TRA2A: variants seen among roughly 807,000 people sequenced by gnomAD.
TRA2A encodes the protein transformer-2 protein homolog alpha.
TRA2A carries 31 observed loss-of-function variants against 45.7 expected under a neutral mutation model. The observed-to-expected ratio is 0.68, with a 90% CI of 0.51 to 0.92. The LOEUF (loss-of-function observed/expected upper bound fraction) is 0.92, where lower values mean the gene tolerates loss of function less well. Among genes scored for constraint, TRA2A ranks in the 40% least tolerant of loss-of-function variants. TRA2A has a pLI of 0.00. For missense variants in TRA2A, 304 were observed against 367.5 expected (o/e 0.83, Z 1.41); for synonymous variants, 132 against 126.2 (o/e 1.05, Z -0.31).
intron 5 of TRA2A, chr7:23,507,208 C>G (rs1490809153): frequency 1.5e-5 from 8 of 518,548 alleles, no homozygotes; most frequent in Non-Finnish European, 2.4e-5. Flanking sequence ...TCAAGTGATT[C>G]CTGTGCCTCA....
chr7:23,531,651 G>T (rs758751450), intron 1 of TRA2A, 138 bp downstream of exon 1: 13 of 866,936 alleles, frequency 1.5e-5, no homozygotes, highest in Non-Finnish European at 2.2e-5. Context: ...GCCATCTTGG[G>T]ATGGGAGGAA....
In TRA2A at chr7:23,531,944, C is replaced by G. The variant is rs981622389; in HGVS notation, c.-120G>C. The stretch of plus-strand genomic sequence containing the variant: ...GAAAGAGTCGGCAACCACAGCCGCT[C>G]CACTCCACTCCCACTCGGTCGCAGG... On this transcript the variant is annotated 5_prime_UTR_variant, in exon 1 of 8. Coordinates refer to ENST00000297071, the MANE Select transcript of TRA2A (RefSeq NM_013293.5). 5 of 1,049,124 alleles carry G rather than the reference C, an allele frequency of 4.8e-6. No individual in the cohort carries two copies. The highest frequency in any genetic ancestry group is 1.6e-5 in the African/African-American group (1 of 63,310). The allele number at this position is 1,049,124 out of a possible 1,614,324, so 65.0% of individuals were successfully genotyped here. A position where few individuals can be genotyped will look rare whatever the true frequency, so the allele number is the denominator to read the frequency against.
intron 4 of TRA2A, among the ~76,000 whole-genome samples, chr7:23,509,725 C>A (rs1762115848): frequency 7.8e-6 from 1 of 128,936 alleles, no homozygotes; most frequent in Admixed American, 7.4e-5. Context: ...GAGCAAGACT[C>A]CGTCTCAAAA....
chr7:23,506,086 G>A, intron 6 of TRA2A, 52 bp downstream of exon 6: 2 of 1,479,774 alleles, frequency 1.4e-6, no homozygotes, highest in Non-Finnish European at 1.9e-6. Flanking sequence ...AAAGTGCCAA[G>A]TAACACTACT....
chr7:23,509,241 A>G (rs1056970007), intron 4 of TRA2A, among the ~76,000 whole-genome samples: 1 of 152,096 alleles, frequency 6.6e-6, no homozygotes, highest in Non-Finnish European at 1.5e-5. Flanking sequence ...AAATTCTCTA[A>G]GTTGATCTCC....
At chr7:23,521,503 C>T (rs1790134649) in intron 2 of TRA2A, among the ~76,000 whole-genome samples, 1 of 152,160 alleles carries the variant, frequency 6.6e-6, no homozygotes, top group African/African-American at 2.4e-5. Flanking sequence ...TGCAGTGGTG[C>T]AATCAATGCA....
At chr7:23,517,315 TAAAAATACA>T (rs1789919167) in intron 2 of TRA2A, among the ~76,000 whole-genome samples, 1 of 146,928 alleles carries the variant, frequency 6.8e-6, no homozygotes, top group Admixed American at 6.9e-5. Context: ...ACCCCTCTAC[TAAAAATACA>T]AAAAATTAGC....
At position 23,505,789 on chromosome 7, in the gene TRA2A, A is replaced by G. The variant is rs1359522775; in HGVS notation, c.795T>C (p.Tyr265=). The change falls in exon 7 of 8, where the codon TAT becomes TAC. Residue 265 remains tyrosine, a synonymous_variant. Transcript: ENST00000297071. ...RYRRRSPSPY[Y]SRYRSRSRSR... ...ATCTTGATCGTGATCTATATCGACTATAATAAGGAGAAGGTGATCGTCTTC... is the reference window on the plus strand; with the variant it reads ...ATCTTGATCGTGATCTATATCGACTGTAATAAGGAGAAGGTGATCGTCTTC... 2 of 1,560,860 alleles carry G rather than the reference A, an allele frequency of 1.3e-6. No homozygotes were observed. The highest frequency in any genetic ancestry group is 1.4e-5 in the African/African-American group (1 of 72,212).
chr7:23,507,296 T>C (rs981573198), intron 5 of TRA2A, 124 bp downstream of exon 5: 19 of 718,120 alleles, frequency 2.6e-5, no homozygotes, highest in Non-Finnish European at 4.3e-5. Flanking sequence ...AGAAGCAGGG[T>C]TTTGCCATGT....
chr7:23,513,499 T>A (rs1412924036), intron 3 of TRA2A, among the ~76,000 whole-genome samples: 4 of 152,048 alleles, frequency 2.6e-5, no homozygotes, highest in Non-Finnish European at 5.9e-5. Context: ...GCGCCTGTAA[T>A]CCCAGCTACT....
rs550777959 is a variant in TRA2A at position 23,521,471 on chromosome 7, C to G, written c.170+236G>C. 7.2e-5 allele frequency among the ~76,000 whole-genome samples: 11 copies of G among 152,300 alleles called. No homozygotes were observed. In the South Asian group the frequency reaches 2.3e-3, roughly 32 times the overall value. On this transcript the variant is annotated intron_variant, in intron 2 of 7. Coordinates refer to ENST00000297071, the MANE Select transcript of TRA2A (RefSeq NM_013293.5). ...TTTCTTATTTTTTCAGAGATAGGGT[C>G]TCCCTGGCACCCAGGCTGTGGTGCA...
intron 5 of TRA2A, 78 bp downstream of exon 5, chr7:23,507,342 A>G: frequency 8.6e-7 from 1 of 1,160,892 alleles, no homozygotes; most frequent in Non-Finnish European, 1.3e-6. Flanking sequence ...TTATAGGAAA[A>G]AAGTTTCTGA....
chr7:23,519,108 G>A (rs1050458352), intron 2 of TRA2A, among the ~76,000 whole-genome samples: 3 of 152,036 alleles, frequency 2.0e-5, no homozygotes, highest in Non-Finnish European at 4.4e-5. Flanking sequence ...AGACTAATCC[G>A]ACAGGCCGGG....
chr7:23,531,622 G>A (rs1790589268), intron 1 of TRA2A, 167 bp downstream of exon 1: 2 of 676,008 alleles, frequency 3.0e-6, no homozygotes, highest in South Asian at 3.6e-5. Context: ...GGTGTTTGGG[G>A]AAGGAGTGGA....
Position 23,531,815 on chromosome 7 carries a change from C to T in TRA2A, c.10G>A (p.Val4Met), listed in dbSNP as rs753004826. Residue 4 changes from valine to methionine, a missense_variant, in exon 1 of 8, where the codon GTG (valine) becomes ATG (methionine). This residue lies in a region of TRA2A where 132 missense variants were observed against 113.4 expected (regional missense o/e 1.16). Transcript: ENST00000297071. MSD[V>M]EENNFEGRES... ...CTGCCCTCGAAGTTGTTTTCCTCCACATCACTCATGTCGACGAGGCGCTCC... is the reference window on the plus strand; with the variant it reads ...CTGCCCTCGAAGTTGTTTTCCTCCATATCACTCATGTCGACGAGGCGCTCC... 2.5e-6 allele frequency: 4 copies of T among 1,613,860 alleles called. No individual in the cohort carries two copies. The highest frequency in any genetic ancestry group is 2.5e-6 in the Non-Finnish European group (3 of 1,180,044).
intron 2 of TRA2A, among the ~76,000 whole-genome samples, chr7:23,520,997 T>A (rs1356120816): frequency 6.6e-6 from 1 of 152,134 alleles, no homozygotes; most frequent in Non-Finnish European, 1.5e-5. Context: ...CCAGCCTGTC[T>A]TAAAACTTTT....
At chr7:23,528,209 GT>G (rs558143307) in intron 1 of TRA2A, among the ~76,000 whole-genome samples, 1 of 151,420 alleles carries the variant, frequency 6.6e-6, no homozygotes, top group Non-Finnish European at 1.5e-5. Flanking sequence ...AAAGTTCTGT[GT>G]TTTTTTTTGT....
chr7:23,522,492 G>C, intron 1 of TRA2A: 2 of 765,978 alleles, frequency 2.6e-6, no homozygotes, highest in Non-Finnish European at 3.4e-6. Context: ...AACTCTGCTG[G>C]AGTTCAGAAT....
intron 3 of TRA2A, among the ~76,000 whole-genome samples, chr7:23,514,161 G>A (rs558601435): frequency 1.3e-5 from 2 of 148,544 alleles, no homozygotes; most frequent in Admixed American, 1.4e-4. Flanking sequence ...TCCACCTCCC[G>A]AGGTCCAGCC....
Sources: gnomAD v4.1 joint callset for allele counts (sites outside exome capture counted in the v4.1 genomes callset) on GRCh38, gnomAD v4.1.1 for gene constraint, gnomAD v4.1.1 regional missense constraint, MANE v1.5 for transcripts, NCBI Gene and HGNC (gene_info 2026-07-23, HGNC 2026-07-21) for gene names.